Variants in DNAJC3 observed in about 807,000 individuals in gnomAD.
The protein encoded by DNAJC3 is DnaJ heat shock protein family (Hsp40) member C3.
In DNAJC3, 38 loss-of-function variants were observed where a neutral mutation model predicts 68.6. That is an observed-to-expected ratio of 0.55 (90% confidence interval 0.43 to 0.73). The LOEUF (loss-of-function observed/expected upper bound fraction) is 0.73, where lower values mean the gene tolerates loss of function less well. Among genes scored for constraint, DNAJC3 ranks in the 30% least tolerant of loss-of-function variants. DNAJC3 has a pLI of 0.00. For synonymous variants in DNAJC3, 203 were observed against 204.0 expected (o/e 1.00, Z 0.04); for missense variants, 526 against 591.9 (o/e 0.89, Z 1.16).
At chr13:95,710,492 G>A (rs566269899) in intron 2 of DNAJC3, among the ~76,000 whole-genome samples, 1 of 152,196 alleles carries the variant, frequency 6.6e-6, no homozygotes, top group African/African-American at 2.4e-5. Context: ...TGGCCTCCTA[G>A]AGTGTTGAGA....
intron 4 of DNAJC3, among the ~76,000 whole-genome samples, chr13:95,731,117 A>G (rs1284274877): frequency 6.6e-6 from 1 of 152,134 alleles, no homozygotes; most frequent in Non-Finnish European, 1.5e-5. Flanking sequence ...ATTGGTGTAT[A>G]GAGATGCTAT....
chr13:95,682,259 T>C (rs138196889), intron 1 of DNAJC3, among the ~76,000 whole-genome samples: 12 of 152,318 alleles, frequency 7.9e-5, no homozygotes, highest in Admixed American at 5.2e-4. Flanking sequence ...TAGCCTTCTG[T>C]TCTTTTTTAG....
rs1883802297 is a variant in DNAJC3, at chr13:95,792,332, ATGC to A, written c.*1306_*1308del. 1.3e-5 allele frequency: 2 copies of A among 152,246 alleles called. No individual in the cohort carries two copies. The highest frequency in any genetic ancestry group is 1.3e-4 in the Admixed American group (2 of 15,290). The allele number at this position is 152,246 out of a possible 1,614,324, so 9.4% of individuals were successfully genotyped here. ...ATATTGAATATTTATGGCACTCTTG[ATGC>A]TGCATTTGAAAGCTGAAGGAATTAC... On this transcript the variant is annotated 3_prime_UTR_variant, in exon 12 of 12. Transcript: ENST00000602402.
intron 2 of DNAJC3, among the ~76,000 whole-genome samples, chr13:95,711,279 C>G (rs1056728181): frequency 6.6e-6 from 1 of 152,152 alleles, no homozygotes; most frequent in Admixed American, 6.5e-5. Context: ...TGGTGGATCA[C>G]TTGAGGTCAG....
At chr13:95,681,912 A>G (rs1879925281) in intron 1 of DNAJC3, among the ~76,000 whole-genome samples, 1 of 152,128 alleles carries the variant, frequency 6.6e-6, no homozygotes, top group Non-Finnish European at 1.5e-5. Context: ...GCTTATCTAC[A>G]TTTGTACCTA....
chr13:95,691,191 G>A (rs1304441386), intron 1 of DNAJC3, among the ~76,000 whole-genome samples: 29 of 150,920 alleles, frequency 1.9e-4, no homozygotes, highest in African/African-American at 6.3e-4. Flanking sequence ...CCAGGCAGGC[G>A]GCTGACCCCC....
intron 1 of DNAJC3, among the ~76,000 whole-genome samples, chr13:95,696,604 T>C (rs1489577908): frequency 2.0e-5 from 3 of 152,240 alleles, no homozygotes; most frequent in Non-Finnish European, 2.9e-5. Context: ...GTTTAAAGTC[T>C]GTTTTATCTG....
chr13:95,784,065 A>G (rs1345111240), intron 9 of DNAJC3, among the ~76,000 whole-genome samples: 2 of 152,202 alleles, frequency 1.3e-5, no homozygotes, highest in Non-Finnish European at 2.9e-5. Context: ...TCTTAGGCCA[A>G]TATCTTTCTC....
intron 9 of DNAJC3, among the ~76,000 whole-genome samples, chr13:95,780,512 C>A (rs149560676): frequency 2.6e-5 from 4 of 152,328 alleles, no homozygotes; most frequent in Non-Finnish European, 5.9e-5. Context: ...GGCTTTCTCA[C>A]TATTTGCTTC....
At chr13:95,708,698 A>G (rs1880850328) in intron 1 of DNAJC3, among the ~76,000 whole-genome samples, 1 of 151,986 alleles carries the variant, frequency 6.6e-6, no homozygotes, top group African/African-American at 2.4e-5. Context: ...TTTCCACAGT[A>G]CTTTTCACCC....
At chr13:95,732,768 A>T in intron 4 of DNAJC3, among the ~76,000 whole-genome samples, 1 of 148,998 alleles carries the variant, frequency 6.7e-6, no homozygotes, top group African/African-American at 2.5e-5. Flanking sequence ...TAGATTGTTT[A>T]TTTGAAATCT....
intron 4 of DNAJC3, among the ~76,000 whole-genome samples, chr13:95,734,418 C>A (rs1881821514): frequency 6.6e-6 from 1 of 152,154 alleles, no homozygotes. Flanking sequence ...TTATAAATGA[C>A]TAAATGTTTT....
chr13:95,690,781 G>C (rs1293037048), intron 1 of DNAJC3, among the ~76,000 whole-genome samples: 7 of 143,152 alleles, frequency 4.9e-5, no homozygotes, highest in Non-Finnish European at 1.1e-4. Context: ...GTGGCTGGCC[G>C]GGCGGGGGGC....
At chr13:95,739,788 G>A (rs1362376568) in intron 4 of DNAJC3, among the ~76,000 whole-genome samples, 3 of 151,968 alleles carry the variant, frequency 2.0e-5, no homozygotes, top group South Asian at 2.1e-4. Flanking sequence ...TAATTTGATC[G>A]TCTGAAGCCT....
In DNAJC3 at chr13:95,791,340, A is replaced by G. The variant is rs1319899420; in HGVS notation, c.*310A>G. 2 of 334,594 alleles carry G rather than the reference A, an allele frequency of 6.0e-6. No individual in the cohort carries two copies. The highest frequency in any genetic ancestry group is 4.5e-5 in the African/African-American group (2 of 44,682). 20.7% of individuals were successfully genotyped at this position (334,594 alleles called of 1,614,324 possible). ...CACGTATTCTGTATTATTTTTCTAC[A>G]CTGGAGCTGAGATTCTTCTCTTCAC... On this transcript the variant is annotated 3_prime_UTR_variant, in exon 12 of 12. Coordinates refer to ENST00000602402, the MANE Select transcript of DNAJC3 (RefSeq NM_006260.5).
At chr13:95,711,540 T>A (rs933153725) in intron 2 of DNAJC3, among the ~76,000 whole-genome samples, 1 of 151,590 alleles carries the variant, frequency 6.6e-6, no homozygotes, top group African/African-American at 2.4e-5. Context: ...TCAAGAGACA[T>A]GGCATAATTA....
At chr13:95,787,242 C>T in intron 11 of DNAJC3, 87 bp downstream of exon 11, 1 of 1,513,280 alleles carries the variant, frequency 6.6e-7, no homozygotes, top group Non-Finnish European at 8.9e-7. Flanking sequence ...CCACGTGGGG[C>T]TGTATAGGCA....
intron 1 of DNAJC3, among the ~76,000 whole-genome samples, chr13:95,678,320 C>G (rs962547918): frequency 1.3e-5 from 2 of 152,136 alleles, no homozygotes; most frequent in Admixed American, 6.5e-5. Flanking sequence ...GAGCGAGGAA[C>G]TAAAAATTGG....
intron 2 of DNAJC3, among the ~76,000 whole-genome samples, chr13:95,720,598 G>A (rs1203703449): frequency 1.3e-5 from 2 of 152,076 alleles, no homozygotes; most frequent in East Asian, 3.9e-4. Flanking sequence ...AAGCTGAACT[G>A]AAAAATACTG....
Sources: allele counts gnomAD v4.1 joint callset (sites outside exome capture counted in the v4.1 genomes callset), GRCh38; gene constraint gnomAD v4.1.1; transcripts MANE v1.5; gene names NCBI Gene and HGNC (gene_info 2026-07-23, HGNC 2026-07-21).